HDLBP: variants seen among roughly 807,000 people sequenced by gnomAD.
The protein encoded by HDLBP is vigilin.
Under a neutral mutation model 137.3 loss-of-function variants are expected in HDLBP, and 30 were observed. The observed-to-expected ratio is 0.22, with a 90% CI of 0.16 to 0.30. HDLBP has a LOEUF of 0.30. Among genes scored for constraint, HDLBP ranks in the 10% least tolerant of loss-of-function variants. The probability of loss-of-function intolerance (pLI) is 1.00; values close to 1 mark genes in which losing one functional copy is unlikely to be tolerated. For missense variants in HDLBP, 1,119 were observed against 1,667.3 expected, an observed-to-expected ratio of 0.67 and a Z score of 5.73; for synonymous variants, 606 against 596.0, an observed-to-expected ratio of 1.02 and a Z score of -0.24.
chr2:241,273,290 TC>T, intron 1 of HDLBP: 1 of 940,930 alleles, frequency 1.1e-6, no homozygotes, highest in African/African-American at 1.8e-5. Flanking sequence ...GCGTGCCTAT[TC>T]CTTATGTCCC....
At chr2:241,246,499 CAAG>C (rs1258915465) in intron 16 of HDLBP, 11 of 422,170 alleles carry the variant, frequency 2.6e-5, no homozygotes, top group African/African-American at 2.0e-4. Flanking sequence ...TTTCAGGTAA[CAAG>C]AAGAAAATGT....
In HDLBP at chr2:241,272,742, C is replaced by T; in HGVS notation, c.-102-4201G>A. ...CCGCCCGCCCGCCCAGGCCTCCCAG[C>T]CCCGTGTTGCGCGCTCACTCGTGGG... On this transcript the variant is annotated intron_variant, in intron 1 of 27. Coordinates refer to ENST00000310931, the MANE Select transcript of HDLBP (RefSeq NM_005336.6). This position sits in a 1 kb window ranked among gnomAD's most constrained non-coding sequence, Gnocchi z 5.6. 5.2e-6 allele frequency: 2 copies of T among 383,260 alleles called. No individual in the cohort carries two copies. The highest frequency in any genetic ancestry group is 7.1e-6 in the Non-Finnish European group (2 of 282,080). 23.7% of individuals were successfully genotyped at this position (383,260 alleles called of 1,614,324 possible). A position where few individuals can be genotyped will look rare whatever the true frequency, so the allele number is the denominator to read the frequency against.
chr2:241,235,321 T>C, intron 22 of HDLBP, 66 bp from the exon 23 acceptor site: 1 of 1,606,654 alleles, frequency 6.2e-7, no homozygotes, highest in Non-Finnish European at 8.5e-7. Context: ...CCATTGGCCC[T>C]GGGACCCAGA....
chr2:241,250,064 G>T, intron 11 of HDLBP, 84 bp from the exon 12 acceptor site: 1 of 1,350,776 alleles, frequency 7.4e-7, no homozygotes, highest in Non-Finnish European at 1.0e-6. Flanking sequence ...CAGCGCTAAA[G>T]CGCTAAATAA....
At chr2:241,294,150 G>C (rs1275556730) in intron 1 of HDLBP, among the ~76,000 whole-genome samples, 2 of 152,122 alleles carry the variant, frequency 1.3e-5, no homozygotes, top group African/African-American at 4.8e-5. Flanking sequence ...AAGGAAATAA[G>C]AGCTTCTTTG....
At chr2:241,235,806 C>A (rs1240852713) in intron 21 of HDLBP, among the ~76,000 whole-genome samples, 1 of 152,188 alleles carries the variant, frequency 6.6e-6, no homozygotes, top group Non-Finnish European at 1.5e-5. Flanking sequence ...AAATTCCAGA[C>A]CCTTCATCCC....
chr2:241,247,226 G>T, intron 14 of HDLBP, 84 bp from the exon 15 acceptor site: 1 of 832,096 alleles, frequency 1.2e-6, no homozygotes, highest in Non-Finnish European at 2.1e-6. Flanking sequence ...AGGGTAGCAT[G>T]AACACGACAG....
intron 5 of HDLBP, among the ~76,000 whole-genome samples, chr2:241,260,473 G>A (rs2073064172): frequency 6.6e-6 from 1 of 151,600 alleles, no homozygotes; most frequent in Non-Finnish European, 1.5e-5. Context: ...GAAGTCGCCG[G>A]AGCGCCAAAG....
In HDLBP at chr2:241,230,260, G is replaced by A; in HGVS notation, c.3484C>T (p.Arg1162Cys). 6 of 1,586,612 alleles carry A rather than the reference G, an allele frequency of 3.8e-6. No homozygotes were observed. The highest frequency in any genetic ancestry group is 4.3e-6 in the Non-Finnish European group (5 of 1,159,772). Residue 1162 changes from arginine to cysteine, a missense_variant, in exon 26 of 28, where the codon CGC becomes TGC. Coordinates refer to ENST00000310931, the MANE Select transcript of HDLBP (RefSeq NM_005336.6). The surrounding 1 kb of genome is among the most constrained non-coding windows in gnomAD (Gnocchi z 5.0). ...TCTGGGGCTCCGCTCTGTGGGAAGC[G>A]AATGTCCACCTGGAAGGGGTGTACA... ...KIMDEFKVDI[R>C]FPQSGAPDPN...
chr2:241,233,212 G>C lies in HDLBP; in HGVS notation c.3288+608C>G, dbSNP rs2069992320. Reference sequence around the variant, plus strand: ...CCAGAGCCAGGAAAGACCAAGCCTGGGAAGTGTGTGCAAGAGGGGGTGTTG... The same window carrying C: ...CCAGAGCCAGGAAAGACCAAGCCTGCGAAGTGTGTGCAAGAGGGGGTGTTG... On this transcript the variant is annotated intron_variant, in intron 24 of 27. Coordinates refer to ENST00000310931, the MANE Select transcript of HDLBP (RefSeq NM_005336.6). The surrounding 1 kb of genome is among the most constrained non-coding windows in gnomAD (Gnocchi z 4.3). Among the ~76,000 whole-genome samples the C allele has an allele frequency of 6.6e-6, 1 of 152,200 alleles. No homozygotes were observed. Among genetic ancestry groups the C allele is most frequent in the African/African-American group, 2.4e-5 (1 of 41,458 alleles).
chr2:241,273,566 T>A (rs1330837896), intron 1 of HDLBP: 1 of 978,786 alleles, frequency 1.0e-6, no homozygotes. Flanking sequence ...AAGTGATAAC[T>A]GCCACTGTTT....
chr2:241,236,203 G>C, intron 21 of HDLBP: 1 of 237,000 alleles, frequency 4.2e-6, no homozygotes, highest in South Asian at 7.4e-5. Context: ...AGCACTGAGA[G>C]CAGCATCCAG....
chr2:241,249,828 C>A lies in HDLBP; in HGVS notation c.1512+13G>T. ...GCCAGTGCCTTTCTAGAGGGCCCAG[C>A]CATGGCACTTACCATGCGAGATGCA... On this transcript the variant is annotated intron_variant, in intron 12 of 27. Transcript: ENST00000310931. 6.3e-7 allele frequency: 1 copy of A among 1,594,444 alleles called. No individual in the cohort carries two copies. Among genetic ancestry groups the A allele is most frequent in the Non-Finnish European group, 8.5e-7 (1 of 1,171,944 alleles).
At position 241,240,306 on chromosome 2, in the gene HDLBP, A is replaced by T. The variant is rs2149397039; in HGVS notation, c.2170-184T>A. 1.6e-6 allele frequency: 1 copy of T among 644,224 alleles called. No individual in the cohort carries two copies. Among genetic ancestry groups the T allele is most frequent in the South Asian group, 1.8e-5 (1 of 56,954 alleles). The allele number at this position is 644,224 out of a possible 1,614,324, so 39.9% of individuals were successfully genotyped here. ...TCACTGAATAAACAGATGAATACCC[A>T]GACTGCACACCTACTTCTCTTCCAC... is the stretch of plus-strand genomic sequence containing the variant. On this transcript the variant is annotated intron_variant, in intron 17 of 27. Transcript: ENST00000310931. The surrounding 1 kb of genome is among the most constrained non-coding windows in gnomAD (Gnocchi z 5.5).
rs1010904853 is a variant in HDLBP, at chr2:241,272,491, G to A, written c.-102-3950C>T. 1.6e-5 allele frequency: 16 copies of A among 984,680 alleles called. No homozygotes were observed. Among genetic ancestry groups the A allele is most frequent in the Middle Eastern group, 5.2e-4 (1 of 1,934 alleles). The allele number at this position is 984,680 out of a possible 1,614,324, so 61.0% of individuals were successfully genotyped here. On this transcript the variant is annotated intron_variant, in intron 1 of 27. Coordinates refer to ENST00000310931, the MANE Select transcript of HDLBP (RefSeq NM_005336.6). This position sits in a 1 kb window ranked among gnomAD's most constrained non-coding sequence, Gnocchi z 5.6. ...GGCCCAGCGGCGCCACCGGACTTGA[G>A]AAAGTTTGTGCGCGCCCCTCCGCGC...
At chr2:241,294,556 C>T (rs1045070745) in intron 1 of HDLBP, among the ~76,000 whole-genome samples, 10 of 152,168 alleles carry the variant, frequency 6.6e-5, no homozygotes, top group African/African-American at 2.2e-4. Context: ...AACTCCTGGG[C>T]TCAAGCCATC....
chr2:241,275,591 A>G (rs1429823870), intron 1 of HDLBP, among the ~76,000 whole-genome samples: 1 of 152,188 alleles, frequency 6.6e-6, no homozygotes, highest in East Asian at 1.9e-4. Flanking sequence ...AAAGACAGAG[A>G]AGGTGTCTAG....
chr2:241,304,822 A>T (rs188459019), intron 1 of HDLBP, among the ~76,000 whole-genome samples: 4 of 152,334 alleles, frequency 2.6e-5, no homozygotes, highest in Admixed American at 2.0e-4. Context: ...ACGCTGGGTA[A>T]ATCTGTCAAG....
At chr2:241,246,629 G>T in intron 16 of HDLBP, 123 bp downstream of exon 16, 1 of 938,012 alleles carries the variant, frequency 1.1e-6, no homozygotes, top group Non-Finnish European at 1.6e-6. Flanking sequence ...GGATTGAAAG[G>T]TGCAATCTTC....
Sources: gnomAD v4.1 joint callset for allele counts (sites outside exome capture counted in the v4.1 genomes callset) on GRCh38, gnomAD v4.1.1 for gene constraint, Gnocchi (gnomAD v3.1) non-coding constraint, MANE v1.5 for transcripts, NCBI Gene and HGNC (gene_info 2026-07-23, HGNC 2026-07-21) for gene names.